Variants in GLG1 observed in about 807,000 individuals in gnomAD.
GLG1 encodes the protein Golgi apparatus protein 1.
In GLG1, 38 loss-of-function variants were observed where a neutral mutation model predicts 160.5. The ratio of observed to expected loss-of-function variants is 0.24; its 90% CI spans 0.18 to 0.31. The LOEUF is 0.31. Ranked by LOEUF, GLG1 falls within the 10% of genes least tolerant of loss-of-function variation. The probability of loss-of-function intolerance (pLI) is 1.00; values close to 1 mark genes in which losing one functional copy is unlikely to be tolerated. For synonymous variants in GLG1, 644 were observed against 543.4 expected, an observed-to-expected ratio of 1.19 and a Z score of -2.57; for missense variants, 1,373 against 1,505.2, an observed-to-expected ratio of 0.91 and a Z score of 1.45.
chr16:74,578,968 G>A (rs1243666232), intron 1 of GLG1, among the ~76,000 whole-genome samples: 2 of 152,150 alleles, frequency 1.3e-5, no homozygotes, highest in Admixed American at 6.6e-5. Flanking sequence ...CATTTATTAA[G>A]AGCCAGCTCT....
intron 1 of GLG1, among the ~76,000 whole-genome samples, chr16:74,561,476 C>T (rs2018512649): frequency 6.6e-6 from 1 of 152,140 alleles, no homozygotes; most frequent in Non-Finnish European, 1.5e-5. Flanking sequence ...ACTTTAGGCT[C>T]ATCTAATTTG....
chr16:74,522,292 G>A (rs1431325454), intron 2 of GLG1, among the ~76,000 whole-genome samples: 2 of 152,198 alleles, frequency 1.3e-5, no homozygotes, highest in Admixed American at 1.3e-4. Flanking sequence ...ACACCTAGAA[G>A]TAAAATGGCT....
chr16:74,559,586 T>C (rs2018451505), intron 1 of GLG1, among the ~76,000 whole-genome samples: 1 of 152,226 alleles, frequency 6.6e-6, no homozygotes, highest in Non-Finnish European at 1.5e-5. Context: ...ACCTCTCTCA[T>C]CTTAATTTTA....
intron 1 of GLG1, among the ~76,000 whole-genome samples, chr16:74,543,242 C>G (rs1167943167): frequency 3.3e-5 from 5 of 152,200 alleles, no homozygotes; most frequent in Non-Finnish European, 4.4e-5. Context: ...CTGCACAATT[C>G]TGAAAGATGC....
intron 1 of GLG1, among the ~76,000 whole-genome samples, chr16:74,544,092 G>A (rs1405909550): frequency 6.6e-6 from 1 of 152,142 alleles, no homozygotes; most frequent in South Asian, 2.1e-4. Context: ...ACATCTCATA[G>A]GTATGTCAAT....
chr16:74,518,388 T>C (rs903015543), intron 2 of GLG1, among the ~76,000 whole-genome samples: 1 of 152,040 alleles, frequency 6.6e-6, no homozygotes, highest in Non-Finnish European at 1.5e-5. Context: ...TCCTCAAAAA[T>C]ATCACCAGAT....
At chr16:74,494,369 T>G (rs569822336) in intron 6 of GLG1, among the ~76,000 whole-genome samples, 5 of 151,374 alleles carry the variant, frequency 3.3e-5, no homozygotes, top group African/African-American at 4.8e-5. Context: ...GGTATAAGAT[T>G]ATAAGAAATA....
chr16:74,522,944 A>G (rs552089358), intron 2 of GLG1, among the ~76,000 whole-genome samples: 1 of 152,340 alleles, frequency 6.6e-6, no homozygotes, highest in Admixed American at 6.5e-5. Flanking sequence ...CTGGCCTCCC[A>G]AAGTGCTGGG....
chr16:74,502,489 T>C (rs2016441049), intron 4 of GLG1, among the ~76,000 whole-genome samples: 1 of 152,108 alleles, frequency 6.6e-6, no homozygotes, highest in African/African-American at 2.4e-5. Context: ...CCTTCACATA[T>C]CTTAAAATTT....
At chr16:74,462,955 A>T (rs1597224455) in intron 20 of GLG1, 2 of 420,846 alleles carry the variant, frequency 4.8e-6, no homozygotes, top group Non-Finnish European at 8.5e-6. Context: ...AACACTGAAA[A>T]AGAAATACAA....
intron 8 of GLG1, among the ~76,000 whole-genome samples, chr16:74,487,644 C>T (rs547771141): frequency 2.0e-5 from 3 of 152,072 alleles, no homozygotes; most frequent in African/African-American, 7.3e-5. Flanking sequence ...TTGACAAAGA[C>T]CAAAGCATTT....
At chr16:74,498,910 G>GT (rs961574462) in intron 4 of GLG1, among the ~76,000 whole-genome samples, 13 of 147,512 alleles carry the variant, frequency 8.8e-5, no homozygotes, top group African/African-American at 3.2e-4. Context: ...ACCAAGTAGC[G>GT]TAACATCTAC....
At chr16:74,487,155 C>T (rs556738190) in intron 8 of GLG1, among the ~76,000 whole-genome samples, 1 of 152,284 alleles carries the variant, frequency 6.6e-6, no homozygotes, top group African/African-American at 2.4e-5. Flanking sequence ...ATCCGCCCAC[C>T]TCGAACTCCC....
chr16:74,528,808 T>C (rs1186051910), intron 2 of GLG1, among the ~76,000 whole-genome samples: 1 of 31,042 alleles, frequency 3.2e-5, no homozygotes, highest in Non-Finnish European at 7.1e-5. Flanking sequence ...CGAGATTCTG[T>C]CTCAAAAAAA....
At chr16:74,554,520 A>C (rs1051473288) in intron 1 of GLG1, among the ~76,000 whole-genome samples, 7 of 152,176 alleles carry the variant, frequency 4.6e-5, no homozygotes, top group Admixed American at 1.3e-4. Context: ...TGACAGAAAA[A>C]GACTCCATCT....
At chr16:74,506,029 TAAAAAAAAA>T (rs59306961) in intron 3 of GLG1, among the ~76,000 whole-genome samples, 1 of 92,512 alleles carries the variant, frequency 1.1e-5, no homozygotes, top group Non-Finnish European at 1.9e-5. Flanking sequence ...GACTCCATCT[TAAAAAAAAA>T]AAAAAAAAAA....
chr16:74,458,531 T>G (rs577388249), intron 23 of GLG1, among the ~76,000 whole-genome samples: 1 of 151,910 alleles, frequency 6.6e-6, no homozygotes, highest in African/African-American at 2.4e-5. Flanking sequence ...AAAAAAAAAT[T>G]AGCTGGGCAT....
At chr16:74,492,923 G>C (rs754510269) in intron 7 of GLG1, 34 bp downstream of exon 7, 2 of 1,391,110 alleles carry the variant, frequency 1.4e-6, no homozygotes, top group South Asian at 2.8e-5. Context: ...AAAAGGAACA[G>C]AAATGATAAT....
chr16:74,497,212 C>T (rs908421354), intron 4 of GLG1, among the ~76,000 whole-genome samples: 3 of 151,426 alleles, frequency 2.0e-5, no homozygotes, highest in African/African-American at 7.3e-5. Flanking sequence ...TCACTTGAAC[C>T]CAGTAGGCGG....
Sources: allele counts gnomAD v4.1 joint callset (sites outside exome capture counted in the v4.1 genomes callset), GRCh38; gene constraint gnomAD v4.1.1; transcripts MANE v1.5; gene names NCBI Gene and HGNC (gene_info 2026-07-23, HGNC 2026-07-21).